The following SLC7A7 variants were observed in gnomAD, a reference collection of about 807,000 sequenced individuals.
SLC7A7 encodes the protein Y+L amino acid transporter 1.
Under a neutral mutation model 47.9 loss-of-function variants are expected in SLC7A7, and 39 were observed. The ratio of observed to expected loss-of-function variants is 0.81; its 90% CI spans 0.63 to 1.06. The LOEUF is 1.06. Ranked by LOEUF, SLC7A7 falls within the 50% of genes least tolerant of loss-of-function variation. The probability of loss-of-function intolerance (pLI) is 0.00; values close to 1 mark genes in which losing one functional copy is unlikely to be tolerated. For synonymous variants in SLC7A7, 234 were observed against 242.8 expected (o/e 0.96, Z 0.34); for missense variants, 588 against 632.0 (o/e 0.93, Z 0.75).
chr14:22,786,866 G>C (rs747219147), intron 2 of SLC7A7, among the ~76,000 whole-genome samples: 1 of 151,992 alleles, frequency 6.6e-6, no homozygotes, highest in Non-Finnish European at 1.5e-5. Context: ...AGCCCAAGTG[G>C]TCAAGGCTGC....
intron 2 of SLC7A7, among the ~76,000 whole-genome samples, chr14:22,803,404 C>T (rs942063726): frequency 1.3e-5 from 2 of 151,778 alleles, no homozygotes; most frequent in African/African-American, 4.8e-5. Context: ...GGCAACAGAG[C>T]GAGACACCAT....
intron 2 of SLC7A7, among the ~76,000 whole-genome samples, chr14:22,791,288 T>G (rs550797062): frequency 7.9e-5 from 12 of 152,330 alleles, no homozygotes; most frequent in African/African-American, 2.9e-4. Context: ...AGTTTATCTT[T>G]CTGGTATCTT....
chr14:22,817,035 A>C (rs911513803), upstream of SLC7A7, among the ~76,000 whole-genome samples: 1 of 151,560 alleles, frequency 6.6e-6, no homozygotes, highest in African/African-American at 2.4e-5. Flanking sequence ...ATCTCATGGA[A>C]CCTCCAGAGC....
At chr14:22,819,572 T>C (rs1286441779), upstream of SLC7A7, 1 of 152,144 alleles carries the variant, frequency 6.6e-6, no homozygotes, top group Non-Finnish European at 1.5e-5. Flanking sequence ...TCAGCCAATT[T>C]TTAGGACTCC....
At chr14:22,780,072 A>T in intron 2 of SLC7A7, 21 bp from the exon 3 acceptor site, 1 of 1,613,582 alleles carries the variant, frequency 6.2e-7, no homozygotes, top group Non-Finnish European at 8.5e-7. Flanking sequence ...AATAATACTG[A>T]TTGGTGACTT....
Position 22,773,703 on chromosome 14 carries a change from C to A in SLC7A7, c.1443G>T (p.Arg481Ser), listed in dbSNP as rs748360606. 11 of 1,613,988 alleles carry A rather than the reference C, an allele frequency of 6.8e-6. No homozygotes were observed. Among genetic ancestry groups the A allele is most frequent in the Middle Eastern group, 1.6e-4 (1 of 6,078 alleles). Residue 481 changes from arginine to serine, a missense_variant, in exon 10 of 10, where the codon AGG becomes AGT. Physicochemically the swap from Arg to Ser is moderately radical, Grantham distance 110. Coordinates refer to ENST00000674313, the MANE Select transcript of SLC7A7 (RefSeq NM_003982.4). ...YLRRIVGSATRYLQVLCMSVA... is the reference protein window; with the variant it reads ...YLRRIVGSATSYLQVLCMSVA... ...CTGACATACACAGGACCTGGAGGTA[C>A]CTTGTGGCAGACCCTACAAAGAGAA...
chr14:22,795,664 C>T (rs1371659382), intron 2 of SLC7A7, among the ~76,000 whole-genome samples: 1 of 151,548 alleles, frequency 6.6e-6, no homozygotes, highest in African/African-American at 2.4e-5. Context: ...TTAGTAGAGA[C>T]GGGTTTCACC....
chr14:22,814,680 A>G (rs1418631721), intron 1 of SLC7A7: 1 of 152,446 alleles, frequency 6.6e-6, no homozygotes, highest in Non-Finnish European at 1.5e-5. Context: ...CTGAGGTACA[A>G]CATTAGGAAC....
At chr14:22,778,170 C>A (rs548946797) in intron 4 of SLC7A7, among the ~76,000 whole-genome samples, 17 of 152,320 alleles carry the variant, frequency 1.1e-4, no homozygotes, top group African/African-American at 4.1e-4. Flanking sequence ...ATGGAGATCA[C>A]AGAATTTAAC....
At chr14:22,806,423 G>A (rs949842610) in intron 2 of SLC7A7, among the ~76,000 whole-genome samples, 3 of 151,482 alleles carry the variant, frequency 2.0e-5, no homozygotes, top group African/African-American at 4.9e-5. Context: ...TTAGGTAAGC[G>A]TGACTCAACT....
intron 7 of SLC7A7, among the ~76,000 whole-genome samples, chr14:22,775,149 C>T (rs917999900): frequency 3.3e-5 from 5 of 152,060 alleles, no homozygotes; most frequent in African/African-American, 9.7e-5. Flanking sequence ...TGGAAGTGAT[C>T]GTTTCTTCTC....
intron 2 of SLC7A7, among the ~76,000 whole-genome samples, chr14:22,802,439 A>C (rs558836445): frequency 5.1e-4 from 75 of 147,650 alleles, no homozygotes; most frequent in African/African-American, 1.6e-3. Flanking sequence ...AACAAACAAA[A>C]AAAATATTTA....
At chr14:22,817,378 C>T (rs1449053763), upstream of SLC7A7, 3 of 175,136 alleles carry the variant, frequency 1.7e-5, no homozygotes, top group South Asian at 9.9e-5. Context: ...CTTACTCTGT[C>T]GCCCAGGCTG....
At chr14:22,802,429 AAC>A (rs1566457944) in intron 2 of SLC7A7, among the ~76,000 whole-genome samples, 1 of 98,482 alleles carries the variant, frequency 1.0e-5, no homozygotes. Context: ...CAACCAAACA[AAC>A]AAACAAAAAA....
At chr14:22,788,216 T>C (rs1466781387) in intron 2 of SLC7A7, among the ~76,000 whole-genome samples, 1 of 152,190 alleles carries the variant, frequency 6.6e-6, no homozygotes, top group Non-Finnish European at 1.5e-5. Flanking sequence ...TAGTCTACCT[T>C]GTCAACAAGA....
chr14:22,791,613 G>A (rs935214935), intron 2 of SLC7A7, among the ~76,000 whole-genome samples: 40 of 152,068 alleles, frequency 2.6e-4, no homozygotes, highest in African/African-American at 8.9e-4. Flanking sequence ...ATTCCTGGGG[G>A]AAGGCCAAAC....
At chr14:22,801,922 G>A (rs1409182686) in intron 2 of SLC7A7, among the ~76,000 whole-genome samples, 2 of 152,196 alleles carry the variant, frequency 1.3e-5, no homozygotes, top group Admixed American at 6.5e-5. Context: ...CAACCTCTTC[G>A]CAAATACTTG....
chr14:22,796,400 C>A (rs184341379), intron 2 of SLC7A7, among the ~76,000 whole-genome samples: 15 of 152,276 alleles, frequency 9.9e-5, no homozygotes, highest in Non-Finnish European at 1.9e-4. Context: ...CAGCCCCCAC[C>A]AGCACCCTGA....
upstream of SLC7A7, chr14:22,815,474 T>A (rs911184247): frequency 2.2e-6 from 1 of 453,454 alleles, no homozygotes; most frequent in Non-Finnish European, 4.4e-6. Context: ...GCAAGAAGGG[T>A]GGAGGAGGTG....
Sources: allele counts gnomAD v4.1 joint callset (sites outside exome capture counted in the v4.1 genomes callset), GRCh38; gene constraint gnomAD v4.1.1; transcripts MANE v1.5; gene names NCBI Gene and HGNC (gene_info 2026-07-23, HGNC 2026-07-21).